The following SNX10 variants were observed in gnomAD, a reference collection of about 807,000 sequenced individuals.
The protein encoded by SNX10 is sorting nexin-10.
A neutral mutation model predicts 28.5 loss-of-function variants in SNX10; 25 were observed. The ratio of observed to expected loss-of-function variants is 0.88; its 90% CI spans 0.64 to 1.22. The LOEUF is 1.22. Ranked by LOEUF, SNX10 falls within the 50% of genes most tolerant of loss-of-function variation. SNX10 has a pLI of 0.00. For synonymous variants in SNX10, 62 were observed against 81.4 expected (o/e 0.76, Z 1.28); for missense variants, 223 against 242.6 (o/e 0.92, Z 0.54).
At chr7:26,314,193 A>G (rs1215308686) in intron 1 of SNX10, among the ~76,000 whole-genome samples, 1 of 152,122 alleles carries the variant, frequency 6.6e-6, no homozygotes, top group Non-Finnish European at 1.5e-5. Context: ...TTAGACTGAA[A>G]TGGCTTGTCT....
chr7:26,297,344 T>G (rs1169156943), intron 1 of SNX10, among the ~76,000 whole-genome samples: 2 of 152,182 alleles, frequency 1.3e-5, no homozygotes, highest in African/African-American at 4.8e-5. Context: ...CCCGCCCGTC[T>G]CGGCCTCCCA....
intron 2 of SNX10, among the ~76,000 whole-genome samples, chr7:26,352,772 G>A (rs1788659278): frequency 6.6e-6 from 1 of 152,066 alleles, no homozygotes; most frequent in African/African-American, 2.4e-5. Flanking sequence ...TTATATACTT[G>A]GTTGTTCTAA....
intron 1 of SNX10, among the ~76,000 whole-genome samples, chr7:26,299,935 G>A (rs1021475496): frequency 2.6e-5 from 4 of 152,114 alleles, no homozygotes; most frequent in Admixed American, 1.3e-4. Flanking sequence ...GAAAAGCCGG[G>A]CATGGTGGCT....
chr7:26,335,809 T>G (rs1378035315), intron 1 of SNX10, among the ~76,000 whole-genome samples: 1 of 138,318 alleles, frequency 7.2e-6, no homozygotes, highest in African/African-American at 2.7e-5. Context: ...TGTGGCGCGA[T>G]CTCCGCTCAC....
In SNX10 at chr7:26,364,236, AT is replaced by A; in HGVS notation, c.112-296del. 4 of 688,948 alleles carry A rather than the reference AT, an allele frequency of 5.8e-6. No homozygotes were observed. The highest frequency in any genetic ancestry group is 7.4e-6 in the Non-Finnish European group (4 of 541,396). 42.7% of individuals were successfully genotyped at this position (688,948 alleles called of 1,614,324 possible). A position where few individuals can be genotyped will look rare whatever the true frequency, so the allele number is the denominator to read the frequency against. ...TATATGTTAGGATTTATTTTTTATG[AT>A]TTATTCTTGAAAGCAGTGCTCATAG... On this transcript the variant is annotated intron_variant, in intron 3 of 6. Transcript: ENST00000338523. This position sits in a 1 kb window ranked among gnomAD's most constrained non-coding sequence, Gnocchi z 4.9.
chr7:26,358,144 A>G (rs1160233540), intron 2 of SNX10, among the ~76,000 whole-genome samples: 1 of 152,206 alleles, frequency 6.6e-6, no homozygotes, highest in Non-Finnish European at 1.5e-5. Context: ...CAGGATTGAA[A>G]CAATATGTGG....
At chr7:26,354,701 AAATATATTCTAG>A (rs1788747790) in intron 2 of SNX10, among the ~76,000 whole-genome samples, 1 of 24,292 alleles carries the variant, frequency 4.1e-5, no homozygotes, top group East Asian at 1.9e-3. Context: ...TTTTTTTTTA[AAATATATTCTAG>A]ATGCAAGTCC....
At chr7:26,296,504 A>G (rs1249236992) in intron 1 of SNX10, among the ~76,000 whole-genome samples, 1 of 152,210 alleles carries the variant, frequency 6.6e-6, no homozygotes, top group East Asian at 1.9e-4. Flanking sequence ...TGACACAGTG[A>G]GACCCCAACT....
intron 1 of SNX10, among the ~76,000 whole-genome samples, chr7:26,299,948 C>T (rs551740286): frequency 1.2e-4 from 19 of 152,072 alleles, no homozygotes; most frequent in Admixed American, 1.1e-3. Context: ...TGGTGGCTCA[C>T]GCCTGTAATC....
chr7:26,369,295 A>G (rs28708490), intron 5 of SNX10, among the ~76,000 whole-genome samples: 3,859 of 152,214 alleles, frequency 0.025, 85 homozygotes, highest in Non-Finnish European at 0.041. Flanking sequence ...TTTGTGGAAA[A>G]TATGGCACAA....
At chr7:26,352,086 C>A (rs1378388007) in intron 2 of SNX10, among the ~76,000 whole-genome samples, 1 of 151,488 alleles carries the variant, frequency 6.6e-6, no homozygotes, top group Non-Finnish European at 1.5e-5. Context: ...TATGTAGGAC[C>A]ACTCTGTACT....
chr7:26,345,328 T>G (rs1205922444), intron 1 of SNX10, among the ~76,000 whole-genome samples: 1 of 151,952 alleles, frequency 6.6e-6, no homozygotes. Flanking sequence ...GCTCTGTGGG[T>G]GTTGTTGTTG....
intron 2 of SNX10, among the ~76,000 whole-genome samples, chr7:26,358,514 GGT>G (rs1460866516): frequency 3.3e-5 from 5 of 152,082 alleles, no homozygotes; most frequent in Admixed American, 6.6e-5. Flanking sequence ...CTGAGGCAGG[GGT>G]GTTGCTTGAG....
Position 26,344,814 on chromosome 7 carries a change from T to G in SNX10, c.-23-1606T>G, listed in dbSNP as rs74770643. Among the ~76,000 whole-genome samples, 973 of 152,258 alleles carry G rather than the reference T, an allele frequency of 6.4e-3. 9 individuals carry two copies. The highest frequency in any genetic ancestry group is 0.022 in the African/African-American group (916 of 41,542). On this transcript the variant is annotated intron_variant, in intron 1 of 6. Transcript: ENST00000338523. ...TCGACTGGTCCCCTCTTGACTAGCT[T>G]CTTATAGCTGCGGCAATAAGTTACC...
At chr7:26,356,346 A>G (rs1788817089) in intron 2 of SNX10, among the ~76,000 whole-genome samples, 2 of 152,216 alleles carry the variant, frequency 1.3e-5, no homozygotes, top group African/African-American at 4.8e-5. Context: ...TATTAAATTG[A>G]CTAACTGCAG....
chr7:26,313,553 C>T (rs144766041), intron 1 of SNX10, among the ~76,000 whole-genome samples: 3 of 152,180 alleles, frequency 2.0e-5, no homozygotes, highest in Admixed American at 2.0e-4. Context: ...TAAAGGCTGC[C>T]TGTTAACAAA....
chr7:26,312,370 A>C (rs1786882503), intron 1 of SNX10, among the ~76,000 whole-genome samples: 1 of 152,262 alleles, frequency 6.6e-6, no homozygotes, highest in Admixed American at 6.5e-5. Context: ...AATATACTTG[A>C]ACTTTATGTT....
intron 5 of SNX10, among the ~76,000 whole-genome samples, chr7:26,369,964 A>G (rs1789450318): frequency 6.6e-6 from 1 of 152,234 alleles, no homozygotes; most frequent in African/African-American, 2.4e-5. Context: ...AGCTAAAATG[A>G]ATTTGTGTCC....
intron 5 of SNX10, 139 bp from the exon 6 acceptor site, chr7:26,371,682 G>T: frequency 1.6e-6 from 1 of 622,972 alleles, no homozygotes; most frequent in East Asian, 2.7e-5. Flanking sequence ...CCCCTTAATG[G>T]GCAGAGCCCA....
Sources: gnomAD v4.1 joint callset for allele counts (sites outside exome capture counted in the v4.1 genomes callset) on GRCh38, gnomAD v4.1.1 for gene constraint, Gnocchi (gnomAD v3.1) non-coding constraint, MANE v1.5 for transcripts, NCBI Gene and HGNC (gene_info 2026-07-23, HGNC 2026-07-21) for gene names.